The following IL7 variants were observed in gnomAD, a reference collection of about 807,000 sequenced individuals.
The protein encoded by IL7 is interleukin 7, also known as interleukin-7.
Under a neutral mutation model 21.6 loss-of-function variants are expected in IL7, and 3 were observed. That is an observed-to-expected ratio of 0.14 (90% CI 0.06 to 0.36). IL7 has a LOEUF of 0.36. Ranked by LOEUF, IL7 falls within the 10% of genes least tolerant of loss-of-function variation. IL7 has a pLI of 1.00. For synonymous variants in IL7, 62 were observed against 68.1 expected (o/e 0.91, Z 0.44); for missense variants, 175 against 200.2 (o/e 0.87, Z 0.76).
At chr8:78,791,953 A>G (rs1813712288) in intron 2 of IL7, among the ~76,000 whole-genome samples, 1 of 152,168 alleles carries the variant, frequency 6.6e-6, no homozygotes, top group African/African-American at 2.4e-5. Context: ...AAGGTAGTCA[A>G]TCCATAAAAT....
chr8:78,735,775 A>G (rs1811571950), intron 5 of IL7, among the ~76,000 whole-genome samples: 1 of 152,176 alleles, frequency 6.6e-6, no homozygotes, highest in Non-Finnish European at 1.5e-5. Context: ...AGAGTAAGGA[A>G]TTTCCATGTT....
chr8:78,739,463 G>A (rs559458033), intron 3 of IL7, among the ~76,000 whole-genome samples: 2 of 152,290 alleles, frequency 1.3e-5, no homozygotes, highest in African/African-American at 4.8e-5. Flanking sequence ...GGAGGCGGAG[G>A]CAGGCGGATC....
intron 2 of IL7, chr8:78,747,081 T>C (rs1812003405): frequency 2.2e-6 from 1 of 456,596 alleles, no homozygotes; most frequent in African/African-American, 2.0e-5. Flanking sequence ...TTTTCTTTCT[T>C]TTTGTAGGGC....
chr8:78,791,566 G>A (rs927185173), intron 2 of IL7, among the ~76,000 whole-genome samples: 2 of 152,152 alleles, frequency 1.3e-5, no homozygotes, highest in Non-Finnish European at 2.9e-5. Context: ...CTTGAACCTG[G>A]GAGGTGGAGA....
intron 3 of IL7, among the ~76,000 whole-genome samples, chr8:78,712,758 G>A (rs1810989270): frequency 1.3e-5 from 2 of 152,030 alleles, no homozygotes; most frequent in Admixed American, 6.5e-5. Context: ...ACTAATTTGG[G>A]TCTCAATTCT....
intron 2 of IL7, among the ~76,000 whole-genome samples, chr8:78,754,171 C>T (rs908641019): frequency 7.9e-5 from 12 of 152,138 alleles, no homozygotes; most frequent in African/African-American, 2.4e-4. Context: ...CCCCAAAACT[C>T]CTTAAGCTGA....
chr8:78,783,777 G>A (rs1339280138), intron 2 of IL7, among the ~76,000 whole-genome samples: 3 of 152,150 alleles, frequency 2.0e-5, no homozygotes, highest in African/African-American at 7.2e-5. Flanking sequence ...TATATTCGAA[G>A]ATTCTAGTGA....
At chr8:78,802,386 G>T (rs2130854449) in intron 1 of IL7, among the ~76,000 whole-genome samples, 1 of 151,764 alleles carries the variant, frequency 6.6e-6, no homozygotes, top group East Asian at 1.9e-4. Flanking sequence ...GAGAATCTGG[G>T]GCACAAAGAC....
chr8:78,692,694 C>T lies in IL7; in HGVS notation n.215-6747G>A, dbSNP rs111604332. Among the ~76,000 whole-genome samples, 1,339 of 152,058 alleles carry T rather than the reference C, an allele frequency of 8.8e-3. 24 individuals carry two copies. Among genetic ancestry groups the T allele is most frequent in the African/African-American group, 0.03 (1,243 of 41,468 alleles). On this transcript the variant is annotated intron_variant and non_coding_transcript_variant, in intron 3 of 4. Coordinates refer to the IL7 transcript ENST00000523959. ...TGCTACCTGTAGGATGGTTATATAG[C>T]CACTTCACCCCTCCAACATTGAGCT...
chr8:78,786,699 T>C (rs1173292535), intron 2 of IL7, among the ~76,000 whole-genome samples: 1 of 152,196 alleles, frequency 6.6e-6, no homozygotes, highest in Non-Finnish European at 1.5e-5. Context: ...TATGACTGTA[T>C]GTTTGGTCTT....
At chr8:78,784,473 C>T (rs1813445806) in intron 2 of IL7, among the ~76,000 whole-genome samples, 1 of 152,132 alleles carries the variant, frequency 6.6e-6, no homozygotes, top group African/African-American at 2.4e-5. Context: ...ATCTTTACAA[C>T]ATAATTTTGA....
intron 2 of IL7, chr8:78,760,524 G>A: frequency 6.5e-7 from 1 of 1,537,978 alleles, no homozygotes; most frequent in South Asian, 1.3e-5. Context: ...AGCGTGTCAG[G>A]ATTGGGTAAG....
intron 2 of IL7, among the ~76,000 whole-genome samples, chr8:78,751,918 C>G (rs1480517726): frequency 6.6e-6 from 1 of 152,068 alleles, no homozygotes; most frequent in Non-Finnish European, 1.5e-5. Context: ...CCCTATCGTC[C>G]CCTCCCTCCT....
chr8:78,760,909 A>T (rs1205360199), intron 2 of IL7: 2 of 1,560,824 alleles, frequency 1.3e-6, no homozygotes, highest in Admixed American at 1.9e-5. Context: ...CAAAGAAGAC[A>T]TCAGAGGTTT....
At chr8:78,797,321 G>A (rs961577681) in intron 2 of IL7, among the ~76,000 whole-genome samples, 4 of 151,848 alleles carry the variant, frequency 2.6e-5, no homozygotes, top group South Asian at 2.1e-4. Context: ...ATGTAATCAC[G>A]GATATGTGAT....
At chr8:78,794,551 G>A (rs1402229125) in intron 2 of IL7, among the ~76,000 whole-genome samples, 1 of 152,074 alleles carries the variant, frequency 6.6e-6, no homozygotes, top group Non-Finnish European at 1.5e-5. Flanking sequence ...GATGTCGCCT[G>A]TTTCCAGTAG....
chr8:78,680,282 G>A (rs1251904782), intron 4 of IL7, among the ~76,000 whole-genome samples: 1 of 87,922 alleles, frequency 1.1e-5, no homozygotes, highest in Non-Finnish European at 2.2e-5. Context: ...GCGAGACTCC[G>A]TCTCAAAAAA....
chr8:78,735,276 C>CTTTT, intron 5 of IL7, among the ~76,000 whole-genome samples: 47 of 78,432 alleles, frequency 6.0e-4, no homozygotes, highest in South Asian at 1.1e-3. Flanking sequence ...CTTTTCTTTT[C>CTTTT]TTTTTTTTTT....
chr8:78,742,032 A>G (rs767162096), intron 2 of IL7, among the ~76,000 whole-genome samples: 2 of 152,100 alleles, frequency 1.3e-5, no homozygotes, highest in Non-Finnish European at 2.9e-5. Context: ...AACAAATCAC[A>G]GCTAGGCATG....
Sources: gnomAD v4.1 joint callset for allele counts (sites outside exome capture counted in the v4.1 genomes callset) on GRCh38, gnomAD v4.1.1 for gene constraint, MANE v1.5 for transcripts, NCBI Gene and HGNC (gene_info 2026-07-23, HGNC 2026-07-21) for gene names.